STK32B: variants seen among roughly 807,000 people sequenced by gnomAD.
STK32B encodes serine/threonine-protein kinase 32B.
A neutral mutation model predicts 52.6 loss-of-function variants in STK32B; 43 were observed. The ratio of observed to expected loss-of-function variants is 0.82; its 90% CI spans 0.64 to 1.05. The LOEUF (loss-of-function observed/expected upper bound fraction) is 1.05. Among genes scored for constraint, STK32B ranks in the 50% least tolerant of loss-of-function variants. The pLI is 0.00. For synonymous variants in STK32B, 238 were observed against 204.3 expected (o/e 1.17, Z -1.41); for missense variants, 621 against 534.6 (o/e 1.16, Z -1.59).
At chr4:5,417,808 G>C (rs1397002398) in intron 6 of STK32B, among the ~76,000 whole-genome samples, 1 of 152,136 alleles carries the variant, frequency 6.6e-6, no homozygotes, top group African/African-American at 2.4e-5. Context: ...AATTCTTTTG[G>C]TTGACCAAGT....
intron 4 of STK32B, among the ~76,000 whole-genome samples, chr4:5,358,984 T>C (rs1185219040): frequency 2.6e-5 from 4 of 152,150 alleles, no homozygotes; most frequent in Admixed American, 2.6e-4. Context: ...AGAACATTTT[T>C]TCAGGAGGAG....
intron 4 of STK32B, among the ~76,000 whole-genome samples, chr4:5,368,928 T>A (rs1358563944): frequency 1.3e-5 from 2 of 152,156 alleles, no homozygotes; most frequent in Admixed American, 1.3e-4. Flanking sequence ...GTGGCAAAGA[T>A]GGCTACTGTC....
chr4:5,044,812 G>T, the STK32B span, among the ~76,000 whole-genome samples: 1 of 152,202 alleles, frequency 6.6e-6, no homozygotes, highest in Non-Finnish European at 1.5e-5. Context: ...TCAGGAAGCT[G>T]AGGTGAGAGG....
chr4:5,086,894 T>C (rs75092331), intron 1 of STK32B, among the ~76,000 whole-genome samples: 1,575 of 152,312 alleles, frequency 0.01, 34 homozygotes, highest in African/African-American at 0.035. Flanking sequence ...TAAACAAAAA[T>C]TGAGTTTGTC....
chr4:5,133,138 C>T (rs1341885532), intron 1 of STK32B, among the ~76,000 whole-genome samples: 1 of 152,214 alleles, frequency 6.6e-6, no homozygotes, highest in African/African-American at 2.4e-5. Flanking sequence ...AGATTTGTCT[C>T]CTTGCACCAG....
At position 5,461,493 on chromosome 4, in the gene STK32B, G is replaced by T. The variant is rs539850914; in HGVS notation, c.909+1265G>T. Among the ~76,000 whole-genome samples, 4 of 152,270 alleles carry T rather than the reference G, an allele frequency of 2.6e-5. No individual in the cohort carries two copies. In the South Asian group the frequency reaches 8.3e-4, roughly 32 times the overall value. On this transcript the variant is annotated intron_variant, in intron 9 of 11. Coordinates refer to ENST00000282908, the MANE Select transcript of STK32B (RefSeq NM_018401.3). Reference sequence around the variant, plus strand: ...TTCCAGACCTTTTTCACAAACCGTGGTAGCAGCGCACACGCACGTTTCTGA... The same window carrying T: ...TTCCAGACCTTTTTCACAAACCGTGTTAGCAGCGCACACGCACGTTTCTGA...
chr4:5,402,670 T>C (rs1737382104), intron 5 of STK32B, among the ~76,000 whole-genome samples: 1 of 152,216 alleles, frequency 6.6e-6, no homozygotes, highest in Non-Finnish European at 1.5e-5. Flanking sequence ...ATTTGATTCC[T>C]CTTACAGGAC....
At position 5,400,995 on chromosome 4, in the gene STK32B, A is replaced by G. The variant is rs994712523; in HGVS notation, c.472+2751A>G. Among the ~76,000 whole-genome samples, 2 of 152,148 alleles carry G rather than the reference A, an allele frequency of 1.3e-5. No individual in the cohort carries two copies. The highest frequency in any genetic ancestry group is 2.9e-5 in the Non-Finnish European group (2 of 68,030). ...GGGTTGTCTTAGAGGCAGCCGCATG[A>G]CAGTGGGATCCTGAAGGCATGACAA... On this transcript the variant is annotated intron_variant, in intron 5 of 11. Coordinates refer to ENST00000282908, the MANE Select transcript of STK32B (RefSeq NM_018401.3). The surrounding 1 kb of genome is among the most constrained non-coding windows in gnomAD (Gnocchi z 6.1).
chr4:5,352,763 A>G (rs935676958), intron 4 of STK32B, among the ~76,000 whole-genome samples: 1 of 152,130 alleles, frequency 6.6e-6, no homozygotes, highest in African/African-American at 2.4e-5. Flanking sequence ...ATACAAAATC[A>G]TCATACAAAA....
intron 3 of STK32B, among the ~76,000 whole-genome samples, chr4:5,194,834 TGAA>T (rs1164931073): frequency 6.6e-6 from 1 of 152,068 alleles, no homozygotes; most frequent in Non-Finnish European, 1.5e-5. Context: ...AGGAGCAAGA[TGAA>T]GGAGGAGAAG....
At position 5,469,035 on chromosome 4, in the gene STK32B, A is replaced by C; in HGVS notation, c.1106+965A>C. On this transcript the variant is annotated intron_variant, in intron 11 of 11. Coordinates refer to ENST00000282908, the MANE Select transcript of STK32B (RefSeq NM_018401.3). The surrounding 1 kb of genome is among the most constrained non-coding windows in gnomAD (Gnocchi z 4.7). The stretch of plus-strand genomic sequence containing the variant: ...CACTGCACTCCAGCCTGGGCGACAG[A>C]GCAAGACTCCGTCTCAAAAAAAAAA... 6.8e-6 allele frequency among the ~76,000 whole-genome samples: 1 copy of C among 146,344 alleles called. No homozygotes were observed. Among genetic ancestry groups the C allele is most frequent in the East Asian group, 2.0e-4 (1 of 5,024 alleles).
intron 3 of STK32B, among the ~76,000 whole-genome samples, chr4:5,169,338 G>A (rs1310925353): frequency 2.0e-5 from 3 of 152,168 alleles, no homozygotes. Context: ...TGTTGAAGGG[G>A]AGAGGGAGGA....
At chr4:5,282,161 G>A (rs1202402028) in intron 3 of STK32B, among the ~76,000 whole-genome samples, 1 of 152,024 alleles carries the variant, frequency 6.6e-6, no homozygotes, top group African/African-American at 2.4e-5. Flanking sequence ...ATCCATGAGG[G>A]ATGCATTCCA....
intron 3 of STK32B, among the ~76,000 whole-genome samples, chr4:5,280,216 C>T (rs887287590): frequency 2.0e-5 from 3 of 152,098 alleles, no homozygotes; most frequent in Non-Finnish European, 4.4e-5. Context: ...CAACATTTCT[C>T]TCAAGTTCAA....
chr4:5,486,210 C>G (rs572387643), intron 11 of STK32B, among the ~76,000 whole-genome samples: 4 of 152,304 alleles, frequency 2.6e-5, no homozygotes, highest in African/African-American at 7.2e-5. Flanking sequence ...GCAGGCTGGC[C>G]TCCTTGAGCC....
intron 3 of STK32B, among the ~76,000 whole-genome samples, chr4:5,235,522 C>G (rs564135166): frequency 1.3e-5 from 2 of 152,112 alleles, no homozygotes; most frequent in East Asian, 3.9e-4. Context: ...GATAGCCTGT[C>G]GAATTAGCAA....
chr4:5,286,602 A>G (rs980060245), intron 3 of STK32B, among the ~76,000 whole-genome samples: 1 of 152,162 alleles, frequency 6.6e-6, no homozygotes, highest in African/African-American at 2.4e-5. Context: ...TACCTGTGAG[A>G]TCTATCCATT....
intron 11 of STK32B, among the ~76,000 whole-genome samples, chr4:5,479,689 A>G (rs1270854282): frequency 6.6e-6 from 1 of 152,190 alleles, no homozygotes; most frequent in Admixed American, 6.5e-5. Context: ...ATTCTAGAGA[A>G]GGGATTCTTG....
At chr4:5,382,566 G>A (rs182304032) in intron 4 of STK32B, among the ~76,000 whole-genome samples, 29 of 152,098 alleles carry the variant, frequency 1.9e-4, no homozygotes, top group Admixed American at 1.6e-3. Context: ...CAGGGGTCCC[G>A]CTCTGTGGTC....
Sources: gnomAD v4.1 joint callset for allele counts (sites outside exome capture counted in the v4.1 genomes callset) on GRCh38, gnomAD v4.1.1 for gene constraint, Gnocchi (gnomAD v3.1) non-coding constraint, MANE v1.5 for transcripts, NCBI Gene and HGNC (gene_info 2026-07-23, HGNC 2026-07-21) for gene names.